The following PDS5B variants were observed in gnomAD, a reference collection of about 807,000 sequenced individuals.
PDS5B encodes sister chromatid cohesion protein PDS5 homolog B.
PDS5B carries 51 observed loss-of-function variants against 184.1 expected under a neutral mutation model. That is an observed-to-expected ratio of 0.28 (90% confidence interval 0.22 to 0.35). PDS5B has a LOEUF of 0.35. Ranked by LOEUF, PDS5B falls within the 10% of genes least tolerant of loss-of-function variation. PDS5B has a pLI of 1.00. For synonymous variants in PDS5B, 566 were observed against 569.2 expected (o/e 0.99, Z 0.08); for missense variants, 1,180 against 1,723.3 (o/e 0.68, Z 5.58).
At chr13:32,727,361 A>G (rs1172288104) in intron 19 of PDS5B, among the ~76,000 whole-genome samples, 2 of 152,120 alleles carry the variant, frequency 1.3e-5, no homozygotes, top group African/African-American at 4.8e-5. Flanking sequence ...TAATAATGAC[A>G]AATTTCTTTT....
At position 32,717,615 on chromosome 13, in the gene PDS5B, T is replaced by G. The variant is rs867409271; in HGVS notation, c.2123+7509T>G. Among the ~76,000 whole-genome samples, 281 of 137,954 alleles carry G rather than the reference T, an allele frequency of 2.0e-3. 1 individual carries two copies. The highest frequency in any genetic ancestry group is 7.2e-3 in the African/African-American group (265 of 37,030). The allele number at this position is 137,954 out of a possible 152,430, so 90.5% of individuals were successfully genotyped here. Reference sequence around the variant, plus strand: ...GACCTTTGTTCACTTGTTTATCTGCTGACCTTCCCTCCACTATTGTCCTAT... The same window carrying G: ...GACCTTTGTTCACTTGTTTATCTGCGGACCTTCCCTCCACTATTGTCCTAT... On this transcript the variant is annotated intron_variant, in intron 19 of 34. Coordinates refer to ENST00000315596, the MANE Select transcript of PDS5B (RefSeq NM_015032.4).
chr13:32,758,356 A>G, intron 27 of PDS5B, 137 bp downstream of exon 27: 1 of 945,484 alleles, frequency 1.1e-6, no homozygotes, highest in Non-Finnish European at 1.5e-6. Flanking sequence ...TAGAATTAGC[A>G]GTAATTTTAT....
At chr13:32,744,784 C>A (rs78594458) in intron 23 of PDS5B, among the ~76,000 whole-genome samples, 63 of 152,252 alleles carry the variant, frequency 4.1e-4, no homozygotes, top group Middle Eastern at 3.4e-3. Context: ...TAGAAACTTA[C>A]TAATGTTGGC....
rs1954058289 is a variant in PDS5B at position 32,753,424 on chromosome 13, T to C, written c.2829T>C (p.Cys943=). The C allele has an allele frequency of 6.2e-7, 1 of 1,613,944 alleles. No homozygotes were observed. The highest frequency in any genetic ancestry group is 1.1e-5 in the South Asian group (1 of 91,070). Residue 943 remains cysteine, a synonymous_variant, in exon 25 of 35, where the codon TGT becomes TGC. Coordinates refer to ENST00000315596, the MANE Select transcript of PDS5B (RefSeq NM_015032.4). The part of the protein sequence containing the change: ...LRLPLEYMAI[C]ALCAKDPVKE... ...TTCCACTTGAGTATATGGCAATCTG[T>C]GCCCTTTGTGCAAAAGATCCTGTAA...
chr13:32,633,361 C>T (rs945144350), intron 1 of PDS5B, among the ~76,000 whole-genome samples: 1 of 152,102 alleles, frequency 6.6e-6, no homozygotes, highest in Non-Finnish European at 1.5e-5. Flanking sequence ...TTGAATTGTA[C>T]ACTCTAAAAG....
chr13:32,754,803 A>G (rs1442097369), intron 25 of PDS5B, among the ~76,000 whole-genome samples: 1 of 152,146 alleles, frequency 6.6e-6, no homozygotes, highest in Non-Finnish European at 1.5e-5. Flanking sequence ...AGAAGTGCTC[A>G]GTATGTGTTA....
intron 8 of PDS5B, among the ~76,000 whole-genome samples, chr13:32,675,131 A>G (rs1456953238): frequency 6.6e-6 from 1 of 152,104 alleles, no homozygotes; most frequent in African/African-American, 2.4e-5. Flanking sequence ...ACATTTCCAT[A>G]GCACCTTGAA....
chr13:32,606,538 G>A (rs578253211), intron 1 of PDS5B, among the ~76,000 whole-genome samples: 1 of 152,112 alleles, frequency 6.6e-6, no homozygotes, highest in Admixed American at 6.6e-5. Context: ...TCTGACAATT[G>A]TGTGTGTTGG....
chr13:32,732,290 T>G lies in PDS5B; in HGVS notation c.2247+66T>G. 1.8e-6 allele frequency: 2 copies of G among 1,130,178 alleles called. 1 individual carries two copies. Among genetic ancestry groups the G allele is most frequent in the South Asian group, 2.8e-5 (2 of 72,092 alleles). The allele number at this position is 1,130,178 out of a possible 1,614,324, so 70.0% of individuals were successfully genotyped here. A position where few individuals can be genotyped will look rare whatever the true frequency, so the allele number is the denominator to read the frequency against. ...AGTTACAAAACAAATATTGATGATT[T>G]TATGGAATGTTCACATTTGGTGATG... is the stretch of plus-strand genomic sequence containing the variant. On this transcript the variant is annotated intron_variant, in intron 20 of 34. Transcript: ENST00000315596.
chr13:32,673,141 G>A, intron 7 of PDS5B, 75 bp from the exon 8 acceptor site: 1 of 1,305,826 alleles, frequency 7.7e-7, no homozygotes, highest in South Asian at 1.3e-5. Context: ...GATGAATTTG[G>A]TCAAATAAGA....
At chr13:32,693,453 TAAAAGA>T (rs1242703058) in intron 13 of PDS5B, among the ~76,000 whole-genome samples, 1 of 151,778 alleles carries the variant, frequency 6.6e-6, no homozygotes, top group East Asian at 1.9e-4. Context: ...CTTTGTCTAT[TAAAAGA>T]AAAAGAGTTT....
intron 24 of PDS5B, among the ~76,000 whole-genome samples, chr13:32,750,056 T>G (rs1953917334): frequency 6.6e-6 from 1 of 152,204 alleles, no homozygotes; most frequent in South Asian, 2.1e-4. Context: ...CTTTTTATAC[T>G]TATTTATTCA....
chr13:32,605,213 A>G (rs962359286), intron 1 of PDS5B, among the ~76,000 whole-genome samples: 2 of 152,234 alleles, frequency 1.3e-5, no homozygotes, highest in African/African-American at 2.4e-5. Flanking sequence ...ATTTAGTGCT[A>G]TAAATTTCCC....
At chr13:32,604,135 G>A (rs1566239426) in intron 1 of PDS5B, among the ~76,000 whole-genome samples, 4 of 152,130 alleles carry the variant, frequency 2.6e-5, no homozygotes, top group South Asian at 4.2e-4. Context: ...GGTGAGAGAG[G>A]GCATCCCTGT....
intron 1 of PDS5B, among the ~76,000 whole-genome samples, chr13:32,632,022 A>C (rs947493458): frequency 6.6e-6 from 1 of 152,218 alleles, no homozygotes; most frequent in African/African-American, 2.4e-5. Context: ...ATGCAAAAGA[A>C]TTAAGTTGGA....
intron 19 of PDS5B, among the ~76,000 whole-genome samples, chr13:32,721,629 T>C (rs1393777322): frequency 1.4e-5 from 2 of 141,508 alleles, no homozygotes; most frequent in African/African-American, 5.4e-5. Flanking sequence ...GAGGTGCTCC[T>C]CACATCCCAG....
chr13:32,635,221 G>A (rs1267660455), intron 1 of PDS5B, among the ~76,000 whole-genome samples: 1 of 114,932 alleles, frequency 8.7e-6, no homozygotes, highest in Non-Finnish European at 1.8e-5. Context: ...TTTTTGTGGA[G>A]ATGGGGGGGT....
At chr13:32,703,410 A>T (rs1345614915) in intron 17 of PDS5B, among the ~76,000 whole-genome samples, 1 of 152,238 alleles carries the variant, frequency 6.6e-6, no homozygotes, top group Non-Finnish European at 1.5e-5. Context: ...TCAGAAGGTC[A>T]TAGTGATCTA....
At chr13:32,752,510 C>T (rs558425429) in intron 24 of PDS5B, among the ~76,000 whole-genome samples, 2 of 152,264 alleles carry the variant, frequency 1.3e-5, no homozygotes, top group South Asian at 4.1e-4. Flanking sequence ...GGAACAAGTA[C>T]TGGTGGGTAA....
Sources: allele counts gnomAD v4.1 joint callset (sites outside exome capture counted in the v4.1 genomes callset), GRCh38; gene constraint gnomAD v4.1.1; transcripts MANE v1.5; gene names NCBI Gene and HGNC (gene_info 2026-07-23, HGNC 2026-07-21).